The following ERC2 variants were observed in gnomAD, a reference collection of about 807,000 sequenced individuals.
ERC2 encodes ERC protein 2.
ERC2 carries 42 observed loss-of-function variants against 114.8 expected under a neutral mutation model. The ratio of observed to expected loss-of-function variants is 0.37; its 90% CI spans 0.29 to 0.47. ERC2 has a LOEUF of 0.47. Ranked by LOEUF, ERC2 falls within the 20% of genes least tolerant of loss-of-function variation. The probability of loss-of-function intolerance (pLI) is 0.99; values close to 1 mark genes in which losing one functional copy is unlikely to be tolerated. For synonymous variants in ERC2, 454 were observed against 425.5 expected, an observed-to-expected ratio of 1.07 and a Z score of -0.82; for missense variants, 939 against 1,150.7, an observed-to-expected ratio of 0.82 and a Z score of 2.66.
At chr3:55,919,157 T>C (rs1340661361) in intron 13 of ERC2, among the ~76,000 whole-genome samples, 2 of 152,272 alleles carry the variant, frequency 1.3e-5, no homozygotes, top group Non-Finnish European at 1.5e-5. Flanking sequence ...AGTGGGAGGA[T>C]TGCTTGAGGC....
intron 2 of ERC2, among the ~76,000 whole-genome samples, chr3:56,342,488 T>C (rs1174414771): frequency 6.6e-6 from 1 of 152,206 alleles, no homozygotes. Context: ...AATTTCCATT[T>C]GAAAATTGAC....
intron 17 of ERC2, among the ~76,000 whole-genome samples, chr3:55,629,134 A>G (rs950444805): frequency 6.6e-6 from 1 of 151,236 alleles, no homozygotes; most frequent in African/African-American, 2.5e-5. Context: ...CCCACCCTCC[A>G]TAAAGCAAGG....
At chr3:56,034,420 A>T (rs980982477) in intron 7 of ERC2, among the ~76,000 whole-genome samples, 1 of 152,182 alleles carries the variant, frequency 6.6e-6, no homozygotes, top group Non-Finnish European at 1.5e-5. Context: ...AATAATGACT[A>T]GGTCATCTAG....
At chr3:56,131,080 G>A (rs1017016221) in intron 6 of ERC2, among the ~76,000 whole-genome samples, 3 of 152,070 alleles carry the variant, frequency 2.0e-5, no homozygotes, top group Non-Finnish European at 2.9e-5. Flanking sequence ...GCACATAGAC[G>A]AGGTGGTGAC....
intron 6 of ERC2, among the ~76,000 whole-genome samples, chr3:56,103,100 A>G (rs2078448683): frequency 6.6e-6 from 1 of 152,104 alleles, no homozygotes; most frequent in Non-Finnish European, 1.5e-5. Flanking sequence ...AATTAGAGAG[A>G]GCTTCCTGGA....
intron 4 of ERC2, among the ~76,000 whole-genome samples, chr3:56,159,750 G>A (rs1012713308): frequency 6.6e-6 from 1 of 152,248 alleles, no homozygotes. Context: ...AAGTGAGAAC[G>A]TGCAGTATTT....
At chr3:55,872,889 A>T (rs2062648706) in intron 14 of ERC2, among the ~76,000 whole-genome samples, 1 of 152,204 alleles carries the variant, frequency 6.6e-6, no homozygotes, top group Non-Finnish European at 1.5e-5. Context: ...CAACAGACAG[A>T]TACAGGCTAG....
Position 56,173,455 on chromosome 3 carries a change from G to C in ERC2, c.1140C>G (p.Ile380Met). ...AGTGCACAGTTCCTACCTTCATTTC[G>C]ATGACAGTCTGGAGAGCCTTCGTCT... is the stretch of plus-strand genomic sequence containing the variant. Reference protein sequence around the residue: ...PAKTKALQTVIEMKDTKIASL... With the variant: ...PAKTKALQTVMEMKDTKIASL... The change falls in exon 4 of 18, where the codon ATC (isoleucine) becomes ATG (methionine). Residue 380 changes from isoleucine to methionine, a missense_variant. Physicochemically the swap from Ile to Met is conservative, Grantham distance 10 (BLOSUM62 1). Around this residue, in one of 5 missense-constraint regions of ERC2, gnomAD observed 148 missense variants for 159.1 expected, o/e 0.93. Transcript: ENST00000288221. 6.2e-7 allele frequency: 1 copy of C among 1,613,790 alleles called. No individual in the cohort carries two copies. Among genetic ancestry groups the C allele is most frequent in the Non-Finnish European group, 8.5e-7 (1 of 1,179,784 alleles).
At chr3:56,021,574 A>ATTTTT (rs2073715312) in intron 7 of ERC2, among the ~76,000 whole-genome samples, 2 of 143,742 alleles carry the variant, frequency 1.4e-5, no homozygotes, top group East Asian at 4.0e-4. Context: ...ATGGGAGCTA[A>ATTTTT]ATTTTTTAAT....
At chr3:56,136,882 T>C (rs1346251809) in intron 6 of ERC2, among the ~76,000 whole-genome samples, 2 of 152,180 alleles carry the variant, frequency 1.3e-5, no homozygotes, top group Non-Finnish European at 2.9e-5. Context: ...TACTCCCAAC[T>C]TCAAAGCAGA....
intron 17 of ERC2, among the ~76,000 whole-genome samples, chr3:55,640,181 G>T (rs1352365569): frequency 6.6e-6 from 1 of 152,152 alleles, no homozygotes. Context: ...ATCCTCTTTG[G>T]TAACTAACTT....
At chr3:56,322,341 T>A (rs1023475961) in intron 2 of ERC2, among the ~76,000 whole-genome samples, 10 of 152,176 alleles carry the variant, frequency 6.6e-5, no homozygotes, top group Non-Finnish European at 1.3e-4. Flanking sequence ...CAGATAACCT[T>A]TTGCAATATG....
chr3:56,156,938 AAAC>A (rs541585071), intron 4 of ERC2, among the ~76,000 whole-genome samples: 204 of 152,138 alleles, frequency 1.3e-3, no homozygotes, highest in African/African-American at 4.5e-3. Context: ...GTAAGAAAAC[AAAC>A]AACAACAAAA....
intron 7 of ERC2, among the ~76,000 whole-genome samples, chr3:56,032,917 A>AAGAAAGAGAGAGAGAGAC (rs2074482382): frequency 7.9e-5 from 6 of 76,038 alleles, no homozygotes; most frequent in East Asian, 3.6e-4. Context: ...GAAAGAAAGA[A>AAGAAAGAGAGAGAGAGAC]AGAAAGAAAG....
intron 13 of ERC2, among the ~76,000 whole-genome samples, chr3:55,893,028 A>G (rs565821312): frequency 1.8e-3 from 269 of 152,222 alleles, no homozygotes; most frequent in Non-Finnish European, 3.1e-3. Flanking sequence ...AAGAAGCCCA[A>G]TGGAGTCTGT....
rs76083215 is a variant in ERC2, at chr3:56,114,028, A to G, written c.1473+25481T>C. Among the ~76,000 whole-genome samples the G allele has an allele frequency of 5.3e-3, 809 of 152,326 alleles. 8 individuals carry two copies. Among genetic ancestry groups the G allele is most frequent in the African/African-American group, 0.018 (764 of 41,568 alleles). ...GGCTAAGAGGTGTATCCTCTGGCAG[A>G]AACTAAAAGCAAGCACTTCAAGGGA... On this transcript the variant is annotated intron_variant, in intron 6 of 17. Coordinates refer to ENST00000288221, the MANE Select transcript of ERC2 (RefSeq NM_015576.3).
chr3:55,952,735 GA>G (rs1559924075), intron 12 of ERC2, among the ~76,000 whole-genome samples: 4 of 152,156 alleles, frequency 2.6e-5, no homozygotes, highest in African/African-American at 9.7e-5. Context: ...GACAAATACA[GA>G]TTATTATTAC....
chr3:56,184,264 A>C (rs1205620039), intron 3 of ERC2, among the ~76,000 whole-genome samples: 1 of 152,196 alleles, frequency 6.6e-6, no homozygotes, highest in African/African-American at 2.4e-5. Context: ...CATAGGGAGA[A>C]ACAATAAAAT....
intron 15 of ERC2, among the ~76,000 whole-genome samples, chr3:55,704,990 G>T (rs1055050134): frequency 6.6e-6 from 1 of 152,208 alleles, no homozygotes; most frequent in African/African-American, 2.4e-5. Flanking sequence ...TAACTATTCA[G>T]CTAGTGAGTA....
Sources: gnomAD v4.1 joint callset for allele counts (sites outside exome capture counted in the v4.1 genomes callset) on GRCh38, gnomAD v4.1.1 for gene constraint, gnomAD v4.1.1 regional missense constraint, MANE v1.5 for transcripts, NCBI Gene and HGNC (gene_info 2026-07-23, HGNC 2026-07-21) for gene names.